The following GATA3 variants were observed in gnomAD, a reference collection of about 807,000 sequenced individuals.
GATA3 encodes the protein GATA binding protein 3, also known as trans-acting T-cell-specific transcription factor GATA-3.
In GATA3, 6 loss-of-function variants were observed where a neutral mutation model predicts 36.0. The observed-to-expected ratio is 0.17, with a 90% confidence interval of 0.09 to 0.33. The LOEUF (loss-of-function observed/expected upper bound fraction) is 0.33, where lower values mean the gene tolerates loss of function less well. Ranked by LOEUF, GATA3 falls within the 10% of genes least tolerant of loss-of-function variation. GATA3 has a pLI of 1.00. For missense variants in GATA3, 514 were observed against 610.1 expected, an observed-to-expected ratio of 0.84 and a Z score of 1.66; for synonymous variants, 326 against 273.0, an observed-to-expected ratio of 1.19 and a Z score of -1.92.
chr10:8,064,514 C>G (rs1019002496), intron 4 of GATA3, among the ~76,000 whole-genome samples: 4 of 152,106 alleles, frequency 2.6e-5, no homozygotes, highest in African/African-American at 9.7e-5. Flanking sequence ...CACCGTTTGA[C>G]AGATAGAGAC....
At chr10:8,060,610 G>A (rs1019779215) in intron 3 of GATA3, among the ~76,000 whole-genome samples, 1 of 152,038 alleles carries the variant, frequency 6.6e-6, no homozygotes, top group Non-Finnish European at 1.5e-5. Flanking sequence ...GGCCGGCGTA[G>A]TGGTTTGTGC....
chr10:8,052,093 C>T (rs1468977788), upstream of GATA3: 1 of 152,288 alleles, frequency 6.6e-6, no homozygotes, highest in Non-Finnish European at 1.5e-5. Flanking sequence ...GTCCTCTCTC[C>T]CAATTACCCA....
intron 3 of GATA3, among the ~76,000 whole-genome samples, chr10:8,062,647 C>G (rs1227889161): frequency 2.6e-5 from 4 of 152,290 alleles, no homozygotes; most frequent in African/African-American, 9.6e-5. Context: ...CTTCTTCTAC[C>G]CCAGTGGTCC....
At chr10:8,049,255 GC>G (rs1393882741), upstream of GATA3, among the ~76,000 whole-genome samples, 1 of 152,190 alleles carries the variant, frequency 6.6e-6, no homozygotes, top group Admixed American at 6.5e-5. Context: ...GAGGAGAGTT[GC>G]CCCTTGGACG....
In GATA3 at chr10:8,074,119, G is replaced by A. The variant is rs532710590; in HGVS notation, c.*96G>A. 4.2e-5 allele frequency: 58 copies of A among 1,391,754 alleles called. No homozygotes were observed. In the South Asian group the frequency reaches 6.3e-4, roughly 15 times the overall value. The allele number at this position is 1,391,754 out of a possible 1,614,324, so 86.2% of individuals were successfully genotyped here. ...GAGCAGTATCATGAAGCCTAAACGC[G>A]ATGGATATATGTTTTTGAAGGCAGA... On this transcript the variant is annotated 3_prime_UTR_variant, in exon 6 of 6. Transcript: ENST00000379328.
chr10:8,055,756 C>A lies in GATA3; in HGVS notation c.101C>A (p.Ser34Tyr). 1 of 1,585,346 alleles carries A rather than the reference C, an allele frequency of 6.3e-7. No homozygotes were observed. The highest frequency in any genetic ancestry group is 2.3e-5 in the East Asian group (1 of 43,282). The change falls in exon 2 of 6, where the codon TCC becomes TAC. Residue 34 changes from serine (S) to tyrosine (Y), a missense_variant. By Grantham distance (144) the Ser-to-Tyr change is moderately radical (BLOSUM62 -2). Transcript: ENST00000379328. The surrounding 1 kb of genome is among the most constrained non-coding windows in gnomAD (Gnocchi z 5.4). ...ACGCACCACCCGGGCCTCAGCCACT[C>A]CTACATGGACGCGGCGCAGTACCCG... Reference protein sequence around the residue: ...PDTHHPGLSHSYMDAAQYPLP... With the variant: ...PDTHHPGLSHYYMDAAQYPLP...
At chr10:8,072,873 G>A (rs775755117) in intron 5 of GATA3, among the ~76,000 whole-genome samples, 1 of 152,140 alleles carries the variant, frequency 6.6e-6, no homozygotes, top group Non-Finnish European at 1.5e-5. Context: ...TGGGCCAGGC[G>A]CGGTGGCTCA....
At position 8,046,839 on chromosome 10, in the gene GATA3, G is replaced by A. The variant is rs535208921; in HGVS notation, c.-370+1324G>A. Among the ~76,000 whole-genome samples, 9 of 152,134 alleles carry A rather than the reference G, an allele frequency of 5.9e-5. No individual in the cohort carries two copies. The South Asian group carries it at 1.9e-3, about 32-fold the overall frequency. On this transcript the variant is annotated intron_variant, in intron 1 of 1. Coordinates refer to the GATA3 transcript ENST00000643001. ...AGGGGGTCTGATTATGGAGTCTTTCGGTGGGATCAAGCAGGAGGCCCTGCT... is the reference window on the plus strand; with the variant it reads ...AGGGGGTCTGATTATGGAGTCTTTCAGTGGGATCAAGCAGGAGGCCCTGCT...
rs142758529 is a variant in GATA3 at position 8,065,541 on chromosome 10, G to A, written c.924+1403G>A. Among the ~76,000 whole-genome samples the A allele has an allele frequency of 9.5e-3, 1,442 of 151,984 alleles. 29 individuals are homozygous for A. Among genetic ancestry groups the A allele is most frequent in the African/African-American group, 0.033 (1,375 of 41,466 alleles). On this transcript the variant is annotated intron_variant, in intron 4 of 5. Coordinates refer to ENST00000379328, the MANE Select transcript of GATA3 (RefSeq NM_001002295.2). ...CAGAGTGCTGGGATTACAGGCATGA[G>A]CCACCGCTCCCAGCCAAAGAAGGAA...
At chr10:8,060,786 G>A (rs1203901068) in intron 3 of GATA3, among the ~76,000 whole-genome samples, 3 of 152,156 alleles carry the variant, frequency 2.0e-5, no homozygotes, top group African/African-American at 7.2e-5. Flanking sequence ...AGAAAGAGAG[G>A]GCCGTGGTTT....
At chr10:8,072,348 T>C (rs946567032) in intron 5 of GATA3, among the ~76,000 whole-genome samples, 2 of 152,184 alleles carry the variant, frequency 1.3e-5, no homozygotes, top group Non-Finnish European at 2.9e-5. Flanking sequence ...AGGCGATGCT[T>C]TCAGCCCGGG....
At chr10:8,072,111 C>T (rs976678514) in intron 5 of GATA3, among the ~76,000 whole-genome samples, 12 of 152,304 alleles carry the variant, frequency 7.9e-5, no homozygotes, top group Middle Eastern at 3.4e-3. Context: ...CCATCGGTCA[C>T]GTTGCCTTCC....
At chr10:8,058,144 G>A (rs1017884542) in intron 2 of GATA3, among the ~76,000 whole-genome samples, 161 bp from the exon 3 acceptor site, 2 of 152,192 alleles carry the variant, frequency 1.3e-5, no homozygotes, top group African/African-American at 4.8e-5. Flanking sequence ...GTGCCAGGCA[G>A]GTACTCCGGG....
intron 5 of GATA3, among the ~76,000 whole-genome samples, chr10:8,073,409 A>G (rs1266542428): frequency 6.6e-6 from 1 of 152,188 alleles, no homozygotes; most frequent in Non-Finnish European, 1.5e-5. Context: ...CCAAAATGGC[A>G]TTTCCCTCCT....
intron 4 of GATA3, 91 bp from the exon 5 acceptor site, chr10:8,069,380 TCC>T: frequency 7.9e-7 from 1 of 1,260,654 alleles, no homozygotes; most frequent in Non-Finnish European, 1.2e-6. Context: ...ATTTCTTCCT[TCC>T]TTTTTTTTTT....
intron 4 of GATA3, 52 bp from the exon 5 acceptor site, chr10:8,069,421 A>G: frequency 1.3e-6 from 2 of 1,568,032 alleles, no homozygotes; most frequent in South Asian, 1.1e-5. Flanking sequence ...AGTGATGACA[A>G]CACATTTAAC....
intron 4 of GATA3, among the ~76,000 whole-genome samples, chr10:8,067,359 T>G (rs1317550033): frequency 1.3e-5 from 2 of 152,170 alleles, no homozygotes; most frequent in African/African-American, 4.8e-5. Context: ...TCATATATAC[T>G]CTGTTATTTA....
rs1321349240 is a variant in GATA3 at position 8,058,490 on chromosome 10, G to A, written c.427G>A (p.Gly143Arg). 6.2e-7 allele frequency: 1 copy of A among 1,612,330 alleles called. No homozygotes were observed. Among genetic ancestry groups the A allele is most frequent in the Non-Finnish European group, 8.5e-7 (1 of 1,179,756 alleles). Residue 143 changes from glycine to arginine, a missense_variant, in exon 3 of 6, where the codon GGG (glycine) becomes AGG (arginine). Around this residue, in one of 3 missense-constraint regions of GATA3, gnomAD observed 381 missense variants for 354.3 expected, o/e 1.08. Transcript: ENST00000379328. ...YPPASSSSLSGGHASPHLFTF... is the reference protein window; with the variant it reads ...YPPASSSSLSRGHASPHLFTF... Reference sequence around the variant, plus strand: ...CCCGGCCTCGTCCTCCTCCTTGTCGGGGGGCCACGCCAGCCCGCACCTCTT... The same window carrying A: ...CCCGGCCTCGTCCTCCTCCTTGTCGAGGGGCCACGCCAGCCCGCACCTCTT...
rs1014542996 is a variant in GATA3, at chr10:8,055,710, C to G, written c.55C>G (p.Leu19Val). 10 of 1,565,392 alleles carry G rather than the reference C, an allele frequency of 6.4e-6. No individual in the cohort carries two copies. The African/African-American group carries it at 1.4e-4, about 21-fold the overall frequency. The change falls in exon 2 of 6, where the codon CTC becomes GTC. Residue 19 changes from leucine to valine, a missense_variant. Physicochemically the swap from Leu to Val is conservative, Grantham distance 32. Around this residue, in one of 3 missense-constraint regions of GATA3, gnomAD observed 381 missense variants for 354.3 expected, o/e 1.08. Coordinates refer to ENST00000379328, the MANE Select transcript of GATA3 (RefSeq NM_001002295.2). This position sits in a 1 kb window ranked among gnomAD's most constrained non-coding sequence, Gnocchi z 5.4. ...RWVSHHHPAVLNGQHPDTHHP... is the reference protein window; with the variant it reads ...RWVSHHHPAVVNGQHPDTHHP... ...GGTGAGCCACCACCACCCCGCCGTGCTCAACGGGCAGCACCCGGACACGCA... is the reference window on the plus strand; with the variant it reads ...GGTGAGCCACCACCACCCCGCCGTGGTCAACGGGCAGCACCCGGACACGCA...
Sources: allele counts gnomAD v4.1 joint callset (sites outside exome capture counted in the v4.1 genomes callset), GRCh38; gene constraint gnomAD v4.1.1; regional missense constraint gnomAD v4.1.1; non-coding constraint Gnocchi (gnomAD v3.1); transcripts MANE v1.5; gene names NCBI Gene and HGNC (gene_info 2026-07-23, HGNC 2026-07-21).